The following SOX5 variants were observed in gnomAD, a reference collection of about 807,000 sequenced individuals.
SOX5 encodes transcription factor SOX-5.
Under a neutral mutation model 92.0 loss-of-function variants are expected in SOX5, and 9 were observed. The ratio of observed to expected loss-of-function variants is 0.10; its 90% CI spans 0.06 to 0.17. SOX5 has a LOEUF of 0.17. Ranked by LOEUF, SOX5 falls within the 10% of genes least tolerant of loss-of-function variation. The pLI is 1.00. For missense variants in SOX5, 642 were observed against 944.5 expected (o/e 0.68, Z 4.20); for synonymous variants, 344 against 336.3 (o/e 1.02, Z -0.25).
intron 1 of SOX5, among the ~76,000 whole-genome samples, chr12:24,451,891 A>G (rs1405631843): frequency 1.3e-5 from 2 of 152,194 alleles, no homozygotes; most frequent in Non-Finnish European, 2.9e-5. Flanking sequence ...GAAAAGTAAT[A>G]ATTTGTATTA....
intron 4 of SOX5, among the ~76,000 whole-genome samples, chr12:23,982,786 T>C (rs374673004): frequency 6.6e-6 from 1 of 151,900 alleles, no homozygotes; most frequent in South Asian, 2.1e-4. Flanking sequence ...ATAAATTCAA[T>C]ATATAATTGA....
intron 4 of SOX5, among the ~76,000 whole-genome samples, chr12:24,118,389 C>G (rs1482058325): frequency 6.6e-6 from 1 of 151,950 alleles, no homozygotes; most frequent in Non-Finnish European, 1.5e-5. Flanking sequence ...TATTATCTGT[C>G]AATTAAAAAT....
intron 1 of SOX5, among the ~76,000 whole-genome samples, chr12:24,430,653 A>G (rs1938122083): frequency 6.6e-6 from 1 of 151,854 alleles, no homozygotes; most frequent in Admixed American, 6.6e-5. Flanking sequence ...TTTTTTTTTC[A>G]TTGTTGATGT....
At chr12:23,695,985 A>T (rs554065916) in intron 6 of SOX5, among the ~76,000 whole-genome samples, 1 of 150,370 alleles carries the variant, frequency 6.7e-6, no homozygotes, top group Non-Finnish European at 1.5e-5. Flanking sequence ...AACAAAAAAC[A>T]AAACAAAAAA....
At chr12:23,802,960 C>T (rs2095691163) in intron 3 of SOX5, among the ~76,000 whole-genome samples, 1 of 152,154 alleles carries the variant, frequency 6.6e-6, no homozygotes, top group African/African-American at 2.4e-5. Flanking sequence ...CCCCAACATT[C>T]TCCAACATTC....
intron 2 of SOX5, among the ~76,000 whole-genome samples, chr12:24,286,379 A>G (rs77551470): frequency 6.6e-6 from 1 of 152,320 alleles, no homozygotes; most frequent in African/African-American, 2.4e-5. Context: ...ATCGGGTACT[A>G]TTAGGAGGAG....
At chr12:23,574,570 T>C (rs1205897619) in intron 10 of SOX5, among the ~76,000 whole-genome samples, 1 of 152,246 alleles carries the variant, frequency 6.6e-6, no homozygotes, top group East Asian at 1.9e-4. Context: ...TTCTCTCCTT[T>C]ATCATTGTTT....
intron 1 of SOX5, among the ~76,000 whole-genome samples, chr12:24,397,595 G>A (rs879757435): frequency 6.6e-6 from 1 of 151,664 alleles, no homozygotes; most frequent in Non-Finnish European, 1.5e-5. Context: ...TTGTAGAGGG[G>A]CCAAAGTTTA....
chr12:23,991,352 T>A (rs1950541521), intron 4 of SOX5, among the ~76,000 whole-genome samples: 1 of 151,414 alleles, frequency 6.6e-6, no homozygotes, highest in African/African-American at 2.4e-5. Context: ...AAAAAAAATA[T>A]ATATATATAT....
At chr12:24,467,023 A>T (rs1430058506) in intron 1 of SOX5, among the ~76,000 whole-genome samples, 1 of 152,198 alleles carries the variant, frequency 6.6e-6, no homozygotes, top group African/African-American at 2.4e-5. Context: ...TAATTCTCTC[A>T]TATGTAATTT....
At chr12:24,440,945 A>G (rs1326824915) in intron 1 of SOX5, among the ~76,000 whole-genome samples, 2 of 152,192 alleles carry the variant, frequency 1.3e-5, no homozygotes, top group African/African-American at 4.8e-5. Flanking sequence ...AGAAACCAAG[A>G]CTTTGCCATG....
intron 4 of SOX5, among the ~76,000 whole-genome samples, chr12:23,957,836 T>C (rs1244392785): frequency 2.0e-5 from 3 of 152,178 alleles, no homozygotes; most frequent in Non-Finnish European, 4.4e-5. Flanking sequence ...TATACCCGTA[T>C]TTTAAATCAT....
intron 1 of SOX5, among the ~76,000 whole-genome samples, chr12:24,444,900 A>G: frequency 6.6e-6 from 1 of 152,172 alleles, no homozygotes; most frequent in East Asian, 1.9e-4. Flanking sequence ...ATTGTTCCCT[A>G]GGGCACAACA....
chr12:23,814,779 C>T (rs1472861071), intron 3 of SOX5, among the ~76,000 whole-genome samples: 7 of 152,092 alleles, frequency 4.6e-5, no homozygotes, highest in East Asian at 3.8e-4. Flanking sequence ...TAAATTTCCA[C>T]GCTGCATTTT....
chr12:24,007,132 CAAAA>C (rs377717275), intron 4 of SOX5, among the ~76,000 whole-genome samples: 14 of 24,680 alleles, frequency 5.7e-4, no homozygotes, highest in East Asian at 3.8e-3. Flanking sequence ...GACTCCATCT[CAAAA>C]AAAAATATAT....
At chr12:23,746,115 G>A (rs1330214965) in intron 4 of SOX5, among the ~76,000 whole-genome samples, 1 of 152,150 alleles carries the variant, frequency 6.6e-6, no homozygotes, top group Non-Finnish European at 1.5e-5. Context: ...ACTAAACTGA[G>A]ATGAAGAAGT....
intron 4 of SOX5, among the ~76,000 whole-genome samples, chr12:24,144,872 G>T (rs1482017404): frequency 6.6e-6 from 1 of 151,824 alleles, no homozygotes; most frequent in East Asian, 1.9e-4. Context: ...GGGGAAAAAT[G>T]GAAATATACT....
chr12:23,660,417 C>T (rs984681035), intron 7 of SOX5, among the ~76,000 whole-genome samples: 4 of 152,084 alleles, frequency 2.6e-5, no homozygotes, highest in Non-Finnish European at 5.9e-5. Flanking sequence ...TTAGGACAAT[C>T]GAAACATCAG....
intron 1 of SOX5, among the ~76,000 whole-genome samples, chr12:24,537,091 G>C (rs1271734607): frequency 1.3e-5 from 2 of 152,124 alleles, no homozygotes; most frequent in East Asian, 3.9e-4. Context: ...CATATCTCTG[G>C]AGACACAGTA....
Sources: allele counts gnomAD v4.1 joint callset (sites outside exome capture counted in the v4.1 genomes callset), GRCh38; gene constraint gnomAD v4.1.1; transcripts MANE v1.5; gene names NCBI Gene and HGNC (gene_info 2026-07-23, HGNC 2026-07-21).